Variants in ST8SIA4 observed in about 807,000 individuals in gnomAD.
The protein encoded by ST8SIA4 is CMP-N-acetylneuraminate-poly-alpha-2,8-sialyltransferase.
Under a neutral mutation model 33.9 loss-of-function variants are expected in ST8SIA4, and 15 were observed. The observed-to-expected ratio is 0.44, with a 90% CI of 0.30 to 0.68. The LOEUF is 0.68. Ranked by LOEUF, ST8SIA4 falls within the 30% of genes least tolerant of loss-of-function variation. The probability of loss-of-function intolerance (pLI) is 0.10; values close to 1 mark genes in which losing one functional copy is unlikely to be tolerated. For missense variants in ST8SIA4, 321 were observed against 428.0 expected (o/e 0.75, Z 2.21); for synonymous variants, 171 against 151.2 (o/e 1.13, Z -0.96).
At chr5:100,865,489 G>T (rs1266186995) in intron 3 of ST8SIA4, among the ~76,000 whole-genome samples, 2 of 152,044 alleles carry the variant, frequency 1.3e-5, no homozygotes, top group East Asian at 3.9e-4. Context: ...CAGTTAGCAT[G>T]GTTAAGGAAA....
At chr5:100,868,739 C>G (rs144650615) in intron 3 of ST8SIA4, among the ~76,000 whole-genome samples, 1 of 152,180 alleles carries the variant, frequency 6.6e-6, no homozygotes, top group East Asian at 1.9e-4. Context: ...GAAACTGCCT[C>G]TTTTCCTCAG....
intron 4 of ST8SIA4, among the ~76,000 whole-genome samples, chr5:100,821,293 G>A (rs149177632): frequency 4.1e-4 from 62 of 152,092 alleles, no homozygotes; most frequent in Middle Eastern, 3.4e-3. Context: ...TAATCCTAAC[G>A]CTCAGTAAAA....
At chr5:100,835,599 C>G (rs1751349441) in intron 4 of ST8SIA4, among the ~76,000 whole-genome samples, 1 of 152,120 alleles carries the variant, frequency 6.6e-6, no homozygotes, top group South Asian at 2.1e-4. Context: ...GTACTTGTCA[C>G]TCCTGTGAAA....
In ST8SIA4 at chr5:100,816,936, T is replaced by C. The variant is rs966435813; in HGVS notation, c.798-4807A>G. 3.3e-5 allele frequency among the ~76,000 whole-genome samples: 5 copies of C among 150,000 alleles called. No homozygotes were observed. The East Asian group carries it at 7.7e-4, about 23-fold the overall frequency. ...AGATATTATAAAATAATTGGCTTTTTTTCTTTTTTTTTTTTTGAGACAGAG... is the reference window on the plus strand; with the variant it reads ...AGATATTATAAAATAATTGGCTTTTCTTCTTTTTTTTTTTTTGAGACAGAG... On this transcript the variant is annotated intron_variant, in intron 4 of 4. Transcript: ENST00000231461.
chr5:100,888,568 A>G (rs1168459817), intron 2 of ST8SIA4, among the ~76,000 whole-genome samples: 1 of 151,996 alleles, frequency 6.6e-6, no homozygotes, highest in Non-Finnish European at 1.5e-5. Flanking sequence ...TTATTATAAC[A>G]TTTAAGATAT....
At chr5:100,834,069 G>A (rs933730042) in intron 4 of ST8SIA4, among the ~76,000 whole-genome samples, 1 of 152,032 alleles carries the variant, frequency 6.6e-6, no homozygotes, top group Non-Finnish European at 1.5e-5. Context: ...TCAAATGAGT[G>A]CTAATATAAT....
intron 3 of ST8SIA4, among the ~76,000 whole-genome samples, chr5:100,862,946 A>T (rs1241398086): frequency 4.6e-5 from 7 of 152,254 alleles, no homozygotes; most frequent in African/African-American, 1.4e-4. Flanking sequence ...GGAAGCAAAA[A>T]ATAAATACAA....
At chr5:100,892,526 T>A (rs999480753) in intron 2 of ST8SIA4, among the ~76,000 whole-genome samples, 1 of 151,938 alleles carries the variant, frequency 6.6e-6, no homozygotes, top group Non-Finnish European at 1.5e-5. Flanking sequence ...GGTGTGCTTA[T>A]GAAAATAAAA....
chr5:100,874,937 T>TA (rs1288351058), intron 3 of ST8SIA4, among the ~76,000 whole-genome samples: 1 of 152,170 alleles, frequency 6.6e-6, no homozygotes, highest in Non-Finnish European at 1.5e-5. Context: ...ACATGATATT[T>TA]AGCACATCAA....
intron 1 of ST8SIA4, among the ~76,000 whole-genome samples, chr5:100,899,978 A>T (rs1752865094): frequency 6.6e-6 from 1 of 152,172 alleles, no homozygotes; most frequent in African/African-American, 2.4e-5. Context: ...TTATGTATTT[A>T]AAAAAACATG....
intron 4 of ST8SIA4, among the ~76,000 whole-genome samples, chr5:100,823,023 CG>C (rs1561385067): frequency 6.6e-6 from 1 of 151,880 alleles, no homozygotes; most frequent in East Asian, 1.9e-4. Flanking sequence ...CCCAGCTACT[CG>C]GGGGGCTGAG....
At chr5:100,856,436 G>T in intron 3 of ST8SIA4, 40 bp from the exon 4 acceptor site, 1 of 1,530,118 alleles carries the variant, frequency 6.5e-7, no homozygotes, top group Middle Eastern at 1.7e-4. Flanking sequence ...GAAAAAAAAA[G>T]AAATATTCAC....
intron 1 of ST8SIA4, chr5:100,900,607 G>A: frequency 2.4e-6 from 1 of 412,502 alleles, no homozygotes; most frequent in South Asian, 1.7e-5. Context: ...CACAGTCTTG[G>A]TCTCTCAGGA....
intron 4 of ST8SIA4, among the ~76,000 whole-genome samples, chr5:100,844,857 G>C (rs966627620): frequency 6.6e-6 from 1 of 151,922 alleles, no homozygotes; most frequent in Non-Finnish European, 1.5e-5. Context: ...AAATGATTTG[G>C]GGGGTAAGGT....
chr5:100,827,812 T>C (rs1751175344), intron 4 of ST8SIA4, among the ~76,000 whole-genome samples: 1 of 152,154 alleles, frequency 6.6e-6, no homozygotes, highest in Non-Finnish European at 1.5e-5. Flanking sequence ...CCTCCCTAAA[T>C]AGCACTGACA....
chr5:100,900,375 C>G, intron 1 of ST8SIA4: 1 of 455,688 alleles, frequency 2.2e-6, no homozygotes, highest in Non-Finnish European at 4.4e-6. Context: ...ACTCAAAACT[C>G]AAAACTGGCC....
intron 4 of ST8SIA4, among the ~76,000 whole-genome samples, chr5:100,830,050 A>G (rs1250247148): frequency 1.3e-5 from 2 of 152,214 alleles, no homozygotes; most frequent in African/African-American, 4.8e-5. Context: ...TTTTAAGAGT[A>G]TACTCATGTT....
intron 3 of ST8SIA4, among the ~76,000 whole-genome samples, chr5:100,881,066 G>T (rs1305221178): frequency 1.3e-5 from 2 of 152,150 alleles, no homozygotes; most frequent in Admixed American, 1.3e-4. Flanking sequence ...TAAAATTTCT[G>T]ATTTTGTATG....
rs747892232 is a variant in ST8SIA4, at chr5:100,902,883, T to C, written c.73A>G (p.Ile25Val). ...TCCTGGTGCTCCTCAGTTCTTGCTA[T>C]TTCTTTTGTCTTATAAAAGATCAGG... ...LLLIFYKTKE[I>V]ARTEEHQETQ... is the part of the protein sequence containing the mutation. The change falls in exon 1 of 5, where the codon ATA (isoleucine) becomes GTA (valine). Residue 25 changes from isoleucine (I) to valine (V), a missense_variant. Coordinates refer to ENST00000231461, the MANE Select transcript of ST8SIA4 (RefSeq NM_005668.6). The C allele has an allele frequency of 6.2e-7, 1 of 1,614,224 alleles. No individual in the cohort carries two copies. The highest frequency in any genetic ancestry group is 8.5e-7 in the Non-Finnish European group (1 of 1,180,036).
Sources: gnomAD v4.1 joint callset for allele counts (sites outside exome capture counted in the v4.1 genomes callset) on GRCh38, gnomAD v4.1.1 for gene constraint, MANE v1.5 for transcripts, NCBI Gene and HGNC (gene_info 2026-07-23, HGNC 2026-07-21) for gene names.